Variants in EML6 observed in about 807,000 individuals in gnomAD.
The protein encoded by EML6 is EMAP like 6.
A neutral mutation model predicts 240.1 loss-of-function variants in EML6; 154 were observed. The observed-to-expected ratio is 0.64, with a 90% CI of 0.56 to 0.73. The LOEUF (loss-of-function observed/expected upper bound fraction) is 0.73. EML6 is among the 30% of genes least tolerant of loss of function. The pLI is 0.00. For missense variants in EML6, 2,964 were observed against 2,474.6 expected (o/e 1.20, Z -4.20); for synonymous variants, 1,148 against 899.0 (o/e 1.28, Z -4.95).
chr2:54,928,395 T>A lies in EML6; in HGVS notation c.3758T>A (p.Leu1253Gln). 1 of 1,551,402 alleles carries A rather than the reference T, an allele frequency of 6.4e-7. No individual in the cohort carries two copies. Among genetic ancestry groups the A allele is most frequent in the Non-Finnish European group, 8.7e-7 (1 of 1,146,800 alleles). ...AGGTGGCTGCACAATGACTCTGTGCTGCTCACGGTGGGCGGCGCCGACACA... is the reference window on the plus strand; with the variant it reads ...AGGTGGCTGCACAATGACTCTGTGCAGCTCACGGTGGGCGGCGCCGACACA... ...NVRWLHNDSV[L>Q]LTVGGADTAL... The change falls in exon 27 of 42, where the codon CTG (leucine) becomes CAG (glutamine). Residue 1253 changes from leucine (L) to glutamine (Q), a missense_variant. Physicochemically the swap from Leu to Gln is moderately radical, Grantham distance 113 (BLOSUM62 -2). Transcript: ENST00000356458.
At chr2:54,735,956 A>G (rs144487737) in intron 2 of EML6, among the ~76,000 whole-genome samples, 3 of 152,340 alleles carry the variant, frequency 2.0e-5, no homozygotes, top group African/African-American at 7.2e-5. Flanking sequence ...TGAAGGCTGA[A>G]GAGCGGTTTG....
chr2:54,954,539 A>G (rs1292660675), intron 32 of EML6, among the ~76,000 whole-genome samples: 5 of 152,332 alleles, frequency 3.3e-5, no homozygotes, highest in South Asian at 2.1e-4. Flanking sequence ...CTACAGCCCT[A>G]TCACTTTGTC....
At chr2:54,840,971 A>G (rs931331620) in intron 7 of EML6, among the ~76,000 whole-genome samples, 34 of 152,270 alleles carry the variant, frequency 2.2e-4, no homozygotes, top group African/African-American at 7.7e-4. Context: ...TAGGGAGACA[A>G]CTAATTCAGC....
chr2:54,952,447 C>T (rs926018977), intron 30 of EML6, 147 bp from the exon 31 acceptor site: 1 of 572,132 alleles, frequency 1.7e-6, no homozygotes, highest in African/African-American at 1.9e-5. Flanking sequence ...CTTCATCTCC[C>T]CAAGTGTGAT....
intron 1 of EML6, 55 bp downstream of exon 1, chr2:54,723,832 G>A (rs1021180264): frequency 6.6e-6 from 1 of 152,638 alleles, no homozygotes; most frequent in South Asian, 2.1e-4. Flanking sequence ...TCGAGAGTGG[G>A]AGGAGTGCAG....
intron 2 of EML6, among the ~76,000 whole-genome samples, chr2:54,780,405 A>G (rs1668800108): frequency 6.6e-6 from 1 of 152,210 alleles, no homozygotes; most frequent in South Asian, 2.1e-4. Context: ...ATAGATAGAT[A>G]GTTGACTGTC....
chr2:54,847,161 G>A (rs1453346648), intron 8 of EML6, among the ~76,000 whole-genome samples: 1 of 152,088 alleles, frequency 6.6e-6, no homozygotes, highest in African/African-American at 2.4e-5. Flanking sequence ...TCCTGCCATG[G>A]CCTCCCAAAG....
At chr2:54,928,941 G>A (rs1288446612) in intron 28 of EML6, among the ~76,000 whole-genome samples, 190 bp downstream of exon 28, 1 of 152,188 alleles carries the variant, frequency 6.6e-6, no homozygotes, top group East Asian at 1.9e-4. Flanking sequence ...CGTGGCAAAG[G>A]GCGGTTTATA....
intron 28 of EML6, among the ~76,000 whole-genome samples, chr2:54,940,802 G>A (rs1174394604): frequency 6.6e-6 from 1 of 152,160 alleles, no homozygotes; most frequent in African/African-American, 2.4e-5. Context: ...ATGACTTTTT[G>A]ATCTTTGTAG....
intron 17 of EML6, among the ~76,000 whole-genome samples, chr2:54,888,876 T>C (rs1435730186): frequency 3.9e-5 from 6 of 152,200 alleles, no homozygotes; most frequent in African/African-American, 9.7e-5. Context: ...TAGGCAAATA[T>C]CAAGGAATGT....
At chr2:54,762,413 T>C (rs1166915121) in intron 2 of EML6, among the ~76,000 whole-genome samples, 5 of 152,220 alleles carry the variant, frequency 3.3e-5, no homozygotes, top group Non-Finnish European at 7.3e-5. Flanking sequence ...TTATCCATTT[T>C]CTCTATCATA....
chr2:54,845,188 G>T (rs970760756), intron 8 of EML6, among the ~76,000 whole-genome samples: 4 of 152,160 alleles, frequency 2.6e-5, no homozygotes, highest in African/African-American at 9.7e-5. Flanking sequence ...TACCAAGCAC[G>T]AAAACCTCAT....
At chr2:54,822,553 G>A (rs1289881418) in intron 5 of EML6, among the ~76,000 whole-genome samples, 1 of 152,166 alleles carries the variant, frequency 6.6e-6, no homozygotes, top group Non-Finnish European at 1.5e-5. Context: ...TCCATATGAT[G>A]AAACACTGTA....
At chr2:54,825,466 T>A (rs1668541063) in intron 5 of EML6, among the ~76,000 whole-genome samples, 2 of 152,226 alleles carry the variant, frequency 1.3e-5, no homozygotes, top group South Asian at 4.1e-4. Context: ...TTTTGCCATG[T>A]TGCCCAGGAT....
At chr2:54,845,223 C>G (rs1421619547) in intron 8 of EML6, among the ~76,000 whole-genome samples, 1 of 152,190 alleles carries the variant, frequency 6.6e-6, no homozygotes, top group African/African-American at 2.4e-5. Context: ...GTGAGAAAAA[C>G]TAAAACAACT....
rs1399513560 is a variant in EML6, at chr2:54,915,142, A to G, written c.3499-1617A>G. 3.9e-5 allele frequency among the ~76,000 whole-genome samples: 6 copies of G among 152,162 alleles called. No homozygotes were observed. The South Asian group carries it at 1.2e-3, about 32-fold the overall frequency. On this transcript the variant is annotated intron_variant, in intron 25 of 41. Transcript: ENST00000356458. The stretch of plus-strand genomic sequence containing the variant: ...TTTAACCCTTTTGCATTGACGGATT[A>G]TAGGTATCATTTTTAATGCTCCATT...
intron 24 of EML6, among the ~76,000 whole-genome samples, chr2:54,909,476 G>T (rs908899219): frequency 6.6e-6 from 1 of 152,182 alleles, no homozygotes; most frequent in Non-Finnish European, 1.5e-5. Flanking sequence ...AATTAGAAAT[G>T]ATTAAAGTTG....
rs921088221 is a variant in EML6 at position 54,844,860 on chromosome 2, G to A, written c.1049+612G>A. 5.3e-5 allele frequency among the ~76,000 whole-genome samples: 8 copies of A among 152,280 alleles called. No individual in the cohort carries two copies. In the South Asian group the frequency reaches 8.3e-4, roughly 16 times the overall value. The stretch of plus-strand genomic sequence containing the variant: ...ATGAGCACAATGACTTATGATTCCA[G>A]TATTTTTGTACCTATTAAAGGAATG... On this transcript the variant is annotated intron_variant, in intron 8 of 41. Transcript: ENST00000356458.
intron 26 of EML6, among the ~76,000 whole-genome samples, chr2:54,925,387 C>G (rs915940197): frequency 2.0e-5 from 3 of 152,170 alleles, no homozygotes; most frequent in Non-Finnish European, 4.4e-5. Context: ...AGACTAATGT[C>G]CCATGCCATT....
Sources: gnomAD v4.1 joint callset for allele counts (sites outside exome capture counted in the v4.1 genomes callset) on GRCh38, gnomAD v4.1.1 for gene constraint, MANE v1.5 for transcripts, NCBI Gene and HGNC (gene_info 2026-07-23, HGNC 2026-07-21) for gene names.